Variants in SGCZ observed in about 807,000 individuals in gnomAD.
The protein encoded by SGCZ is zeta-sarcoglycan.
In SGCZ, 40 loss-of-function variants were observed where a neutral mutation model predicts 41.3. The observed-to-expected ratio is 0.97, with a 90% CI of 0.75 to 1.26. The LOEUF (loss-of-function observed/expected upper bound fraction) is 1.26. SGCZ is among the 50% of genes most tolerant of loss of function. The pLI, the probability that SGCZ is intolerant of heterozygous loss-of-function variation, is 0.00. For synonymous variants in SGCZ, 206 were observed against 137.5 expected, an observed-to-expected ratio of 1.50 and a Z score of -3.49; for missense variants, 552 against 369.8, an observed-to-expected ratio of 1.49 and a Z score of -4.04.
At chr8:14,411,393 A>C (rs1678083898) in intron 2 of SGCZ, among the ~76,000 whole-genome samples, 1 of 152,164 alleles carries the variant, frequency 6.6e-6, no homozygotes. Flanking sequence ...GAAATTCTTA[A>C]GGTCATGCCT....
chr8:14,148,068 AC>A (rs1803582186), intron 5 of SGCZ, among the ~76,000 whole-genome samples: 1 of 152,142 alleles, frequency 6.6e-6, no homozygotes, highest in African/African-American at 2.4e-5. Flanking sequence ...ACTCAGAGGG[AC>A]CATTATAGAT....
rs61147252 is a variant in SGCZ at position 15,202,416 on chromosome 8, G to T, written c.39+35169C>A. Among the ~76,000 whole-genome samples, 1,172 of 152,248 alleles carry T rather than the reference G, an allele frequency of 7.7e-3. 13 individuals are homozygous for T. The highest frequency in any genetic ancestry group is 0.025 in the African/African-American group (1,047 of 41,556). ...ACTCAGGAATGGAAAGCCAAACATT[G>T]TGTCTTCTCACACATAAGTGAGAGC... is the stretch of plus-strand genomic sequence containing the variant. On this transcript the variant is annotated intron_variant, in intron 1 of 7. Coordinates refer to ENST00000382080, the MANE Select transcript of SGCZ (RefSeq NM_139167.4).
chr8:15,218,162 T>C (rs1013604407), intron 1 of SGCZ, among the ~76,000 whole-genome samples: 3 of 152,208 alleles, frequency 2.0e-5, no homozygotes, highest in Non-Finnish European at 4.4e-5. Context: ...AACTTATTTT[T>C]AGTGGGTAAC....
At chr8:14,887,980 G>A (rs913762541) in intron 1 of SGCZ, among the ~76,000 whole-genome samples, 3 of 151,982 alleles carry the variant, frequency 2.0e-5, no homozygotes, top group Non-Finnish European at 4.4e-5. Context: ...TCAATAGGAG[G>A]GATAAATGAT....
chr8:15,087,837 A>C (rs1309962676), intron 1 of SGCZ, among the ~76,000 whole-genome samples: 1 of 152,174 alleles, frequency 6.6e-6, no homozygotes, highest in Non-Finnish European at 1.5e-5. Context: ...TCATAATCTA[A>C]AAACATTCCA....
At chr8:14,261,294 G>A (rs1042069835) in intron 3 of SGCZ, among the ~76,000 whole-genome samples, 10 of 151,978 alleles carry the variant, frequency 6.6e-5, no homozygotes, top group African/African-American at 2.2e-4. Flanking sequence ...GATTTAATAA[G>A]CACATAGAAT....
chr8:14,984,846 C>G (rs1485515408), intron 1 of SGCZ, among the ~76,000 whole-genome samples: 1 of 152,018 alleles, frequency 6.6e-6, no homozygotes, highest in Non-Finnish European at 1.5e-5. Flanking sequence ...TGTTTTGGGA[C>G]GTTTTCAATA....
At chr8:15,069,478 G>C (rs1805274283) in intron 1 of SGCZ, among the ~76,000 whole-genome samples, 1 of 152,222 alleles carries the variant, frequency 6.6e-6, no homozygotes, top group Admixed American at 6.5e-5. Context: ...TCTTATAGCA[G>C]TGGAATTTGC....
chr8:14,608,120 A>T (rs1805811494), intron 1 of SGCZ, among the ~76,000 whole-genome samples: 1 of 152,180 alleles, frequency 6.6e-6, no homozygotes, highest in African/African-American at 2.4e-5. Flanking sequence ...AACCAGAACA[A>T]AAAGATAATT....
chr8:14,556,208 A>G (rs765204509), intron 1 of SGCZ, among the ~76,000 whole-genome samples: 8 of 151,820 alleles, frequency 5.3e-5, no homozygotes, highest in Non-Finnish European at 1.2e-4. Flanking sequence ...TATAAAATAT[A>G]ATTTTCTATA....
intron 1 of SGCZ, among the ~76,000 whole-genome samples, chr8:14,855,740 C>T (rs1344447166): frequency 6.6e-6 from 1 of 152,144 alleles, no homozygotes; most frequent in Non-Finnish European, 1.5e-5. Context: ...CTTCAGTTTT[C>T]ATAAGCTCAA....
chr8:14,767,292 C>G (rs371261956), intron 1 of SGCZ, among the ~76,000 whole-genome samples: 1 of 152,284 alleles, frequency 6.6e-6, no homozygotes, highest in Admixed American at 6.5e-5. Flanking sequence ...GACTGAATCA[C>G]AGGAGAGTGT....
At chr8:14,536,156 G>A (rs1157607647) in intron 2 of SGCZ, among the ~76,000 whole-genome samples, 1 of 151,804 alleles carries the variant, frequency 6.6e-6, no homozygotes, top group South Asian at 2.1e-4. Flanking sequence ...GTATTTTGAA[G>A]TATATCACAT....
chr8:14,329,640 T>A (rs188900704), intron 2 of SGCZ, among the ~76,000 whole-genome samples: 2 of 152,140 alleles, frequency 1.3e-5, no homozygotes, highest in African/African-American at 4.8e-5. Context: ...TAGATCTGTG[T>A]CCTCCATTTT....
chr8:14,845,536 C>T (rs1354377936), intron 1 of SGCZ, among the ~76,000 whole-genome samples: 4 of 152,068 alleles, frequency 2.6e-5, no homozygotes, highest in African/African-American at 9.7e-5. Context: ...TGAACAGAAA[C>T]TGACCTAAAG....
intron 2 of SGCZ, among the ~76,000 whole-genome samples, chr8:14,487,089 T>C (rs1242017702): frequency 6.6e-6 from 1 of 152,172 alleles, no homozygotes; most frequent in Non-Finnish European, 1.5e-5. Context: ...CTTTGATTCC[T>C]CCAGGGAATG....
chr8:14,111,325 C>T (rs1052107655), intron 5 of SGCZ, among the ~76,000 whole-genome samples: 2 of 151,998 alleles, frequency 1.3e-5, no homozygotes, highest in African/African-American at 4.8e-5. Context: ...GATCTGGAAA[C>T]CCTAACAATT....
intron 1 of SGCZ, among the ~76,000 whole-genome samples, chr8:15,232,660 CATATATATGTGTGTGTATATAT>C (rs1801981927): frequency 1.7e-5 from 2 of 114,786 alleles, no homozygotes. Flanking sequence ...TATATATATA[CATATATATGTGTGTGTATATAT>C]ATATATATGT....
intron 1 of SGCZ, among the ~76,000 whole-genome samples, chr8:15,171,259 T>C (rs1435298346): frequency 6.6e-5 from 10 of 152,196 alleles, no homozygotes; most frequent in Non-Finnish European, 4.4e-5. Flanking sequence ...AAGCTTAAAG[T>C]TGAAAGAGAT....
Sources: allele counts gnomAD v4.1 joint callset (sites outside exome capture counted in the v4.1 genomes callset), GRCh38; gene constraint gnomAD v4.1.1; transcripts MANE v1.5; gene names NCBI Gene and HGNC (gene_info 2026-07-23, HGNC 2026-07-21).